USP9Y: variants seen among roughly 807,000 people sequenced by gnomAD.
USP9Y encodes ubiquitin specific peptidase 9 Y-linked, also known as ubiquitin carboxyl-terminal hydrolase 9Y.
Under a neutral mutation model 53.1 loss-of-function variants are expected in USP9Y, and 41 were observed. The ratio of observed to expected loss-of-function variants is 0.77; its 90% CI spans 0.60 to 1.00. The LOEUF (loss-of-function observed/expected upper bound fraction) is 1.00. Among genes scored for constraint, USP9Y ranks in the 50% least tolerant of loss-of-function variants. The pLI, the probability that USP9Y is intolerant of heterozygous loss-of-function variation, is 0.00. For synonymous variants in USP9Y, 220 were observed against 173.7 expected (o/e 1.27, Z -2.09); for missense variants, 567 against 535.8 (o/e 1.06, Z -0.58).
chrY:12,726,530 A>G, intron 6 of USP9Y, 45 bp from the exon 7 acceptor site: 1 of 302,881 alleles, frequency 3.3e-6, no homozygotes, highest in Non-Finnish European at 5.1e-6. Context: ...TGAAATTGCA[A>G]TGTGTTCTTA....
chrY:12,736,270 A>G (rs1442860902), intron 9 of USP9Y, 21 bp downstream of exon 9: 2 of 377,383 alleles, frequency 5.3e-6, no homozygotes, highest in Non-Finnish European at 7.5e-6. Context: ...TTCCACCTTA[A>G]ATTATTTGTG....
intron 23 of USP9Y, 37 bp downstream of exon 23, chrY:12,786,370 T>C: frequency 2.5e-6 from 1 of 394,451 alleles, no homozygotes; most frequent in Non-Finnish European, 3.6e-6. Context: ...AATTTTTATA[T>C]TATACGGTAA....
At position 12,738,919 on chromosome Y, in the gene USP9Y, C is replaced by T. The variant is rs371504425; in HGVS notation, c.1318-606C>T. On this transcript the variant is annotated intron_variant, in intron 11 of 45. Coordinates refer to ENST00000338981, the MANE Select transcript of USP9Y (RefSeq NM_004654.4). Reference sequence around the variant, plus strand: ...CAATTATTGAAAGAGGATAAAGAATCTATATTTGGAGGTTTTCACCTATGT... The same window carrying T: ...CAATTATTGAAAGAGGATAAAGAATTTATATTTGGAGGTTTTCACCTATGT... 6.6e-4 allele frequency among the ~76,000 whole-genome samples: 22 copies of T among 33,546 alleles called. No individual in the cohort carries two copies. The South Asian group carries it at 0.015, about 22-fold the overall frequency. The allele number at this position is 33,546 out of a possible 37,273, so 90.0% of individuals were successfully genotyped here.
chrY:12,815,832 T>G (rs2053535740), intron 31 of USP9Y, among the ~76,000 whole-genome samples: 1 of 34,576 alleles, frequency 2.9e-5, no homozygotes, highest in South Asian at 6.4e-4. Context: ...CTGCCTTGGC[T>G]TCCCAAACTG....
chrY:12,857,606 C>T lies in USP9Y; in HGVS notation c.7475C>T (p.Ser2492Phe). 7.7e-6 allele frequency: 3 copies of T among 387,974 alleles called. No homozygotes were observed. Among genetic ancestry groups the T allele is most frequent in the Non-Finnish European group, 1.1e-5 (3 of 277,524 alleles). ...GATGCCCCAGATGAGCATGAGCCCT[C>T]TCCATCAGAAGATGCCCCATTATAT... ...DQDAPDEHEP[S>F]PSEDAPLYPH... The change falls in exon 45 of 46, where the codon TCT becomes TTT. Residue 2492 changes from serine (S) to phenylalanine (F), a missense_variant. Ser to Phe is a radical substitution (Grantham distance 155). Coordinates refer to ENST00000338981, the MANE Select transcript of USP9Y (RefSeq NM_004654.4).
chrY:12,721,575 G>T (rs2053435616), intron 4 of USP9Y, among the ~76,000 whole-genome samples: 1 of 32,931 alleles, frequency 3.0e-5, no homozygotes, highest in East Asian at 7.9e-4. Context: ...AGATGGCATA[G>T]TGGCTTTCTG....
chrY:12,714,623 T>G (rs2053428954), intron 3 of USP9Y, among the ~76,000 whole-genome samples: 1 of 27,474 alleles, frequency 3.6e-5, no homozygotes, highest in Non-Finnish European at 8.7e-5. Context: ...GTGTTTTTTT[T>G]TTTTTTTTTT....
In USP9Y at chrY:12,783,037, C is replaced by T. The variant is rs751161602; in HGVS notation, c.3152-3166C>T. Among the ~76,000 whole-genome samples, 17 of 34,058 alleles carry T rather than the reference C, an allele frequency of 5.0e-4. No homozygotes were observed. In the South Asian group the frequency reaches 0.011, roughly 22 times the overall value. The allele number at this position is 34,058 out of a possible 37,273, so 91.4% of individuals were successfully genotyped here. A position where few individuals can be genotyped will look rare whatever the true frequency, so the allele number is the denominator to read the frequency against. On this transcript the variant is annotated intron_variant, in intron 22 of 45. Coordinates refer to ENST00000338981, the MANE Select transcript of USP9Y (RefSeq NM_004654.4). ...AATTGGAGAAAGTTAGAGCTTCACT[C>T]TGGTTTAGGCTTTGGCTTTTAATGG... is the stretch of plus-strand genomic sequence containing the variant.
At chrY:12,777,688 T>TATTA (rs2053493899) in intron 19 of USP9Y, among the ~76,000 whole-genome samples, 1 of 33,168 alleles carries the variant, frequency 3.0e-5, no homozygotes, top group Admixed American at 2.8e-4. Context: ...ATAGTCTTAG[T>TATTA]GAGTTGAGTT....
At chrY:12,812,094 G>A (rs1010806158) in intron 30 of USP9Y, among the ~76,000 whole-genome samples, 1 of 33,103 alleles carries the variant, frequency 3.0e-5, no homozygotes, top group African/African-American at 1.2e-4. Context: ...TGGGTGAGCC[G>A]CCGCACCCAG....
At chrY:12,779,000 C>T (rs2053496150) in intron 21 of USP9Y, among the ~76,000 whole-genome samples, 1 of 32,650 alleles carries the variant, frequency 3.1e-5, no homozygotes, top group African/African-American at 1.2e-4. Flanking sequence ...TATTTTCAGT[C>T]TTTTAGGATA....
At chrY:12,756,679 G>T (rs943783585) in intron 12 of USP9Y, among the ~76,000 whole-genome samples, 1 of 33,573 alleles carries the variant, frequency 3.0e-5, no homozygotes, top group African/African-American at 1.2e-4. Flanking sequence ...AAATCAAAAT[G>T]ATCTTAATTC....
chrY:12,735,217 T>A, intron 7 of USP9Y, among the ~76,000 whole-genome samples: 1 of 33,331 alleles, frequency 3.0e-5, no homozygotes, highest in African/African-American at 1.2e-4. Context: ...TTCTTAATTC[T>A]TAGTTTATTC....
Position 12,843,108 on chromosome Y carries a change from A to G in USP9Y, c.6483A>G (p.Thr2161=), listed in dbSNP as rs1392257229. The G allele has an allele frequency of 2.5e-6, 1 of 396,899 alleles. No individual in the cohort carries two copies. Among genetic ancestry groups the G allele is most frequent in the Non-Finnish European group, 3.5e-6 (1 of 281,718 alleles). ...LSLSDHLLRA[T]LNLLRREVSE... ...TGAGTGACCACTTACTAAGAGCCACACTAAATCTCTTGAGAAGGGAAGTTT... is the reference window on the plus strand; with the variant it reads ...TGAGTGACCACTTACTAAGAGCCACGCTAAATCTCTTGAGAAGGGAAGTTT... The change falls in exon 39 of 46, where the codon ACA becomes ACG. Residue 2161 remains threonine (T), a synonymous_variant. Transcript: ENST00000338981.
At chrY:12,784,302 C>T in intron 22 of USP9Y, among the ~76,000 whole-genome samples, 1 of 33,287 alleles carries the variant, frequency 3.0e-5, no homozygotes, top group African/African-American at 1.2e-4. Flanking sequence ...AATAGGTGTT[C>T]CCTTTTTATT....
At chrY:12,747,960 G>A in intron 12 of USP9Y, among the ~76,000 whole-genome samples, 1 of 32,956 alleles carries the variant, frequency 3.0e-5, no homozygotes, top group Non-Finnish European at 7.5e-5. Flanking sequence ...CAAGACCAGC[G>A]TGGCCAATAT....
chrY:12,781,751 G>T, intron 22 of USP9Y, among the ~76,000 whole-genome samples: 1 of 33,576 alleles, frequency 3.0e-5, no homozygotes, highest in African/African-American at 1.2e-4. Flanking sequence ...AAGTTTTATT[G>T]TGATATTGGC....
intron 5 of USP9Y, among the ~76,000 whole-genome samples, 190 bp downstream of exon 5, chrY:12,722,377 C>T (rs2053436606): frequency 3.1e-5 from 1 of 31,797 alleles, no homozygotes; most frequent in Non-Finnish European, 7.6e-5. Flanking sequence ...CACACACACA[C>T]ACACACATAT....
intron 42 of USP9Y, among the ~76,000 whole-genome samples, chrY:12,852,800 C>A (rs1603204256): frequency 3.0e-5 from 1 of 33,564 alleles, no homozygotes; most frequent in Non-Finnish European, 7.4e-5. Context: ...TTGGACTTTG[C>A]TGGAGGTCCC....
Sources: gnomAD v4.1 joint callset for allele counts (sites outside exome capture counted in the v4.1 genomes callset) on GRCh38, gnomAD v4.1.1 for gene constraint, MANE v1.5 for transcripts, NCBI Gene and HGNC (gene_info 2026-07-23, HGNC 2026-07-21) for gene names.